Variants in ARHGEF38 observed in about 807,000 individuals in gnomAD.
ARHGEF38 encodes the protein Rho guanine nucleotide exchange factor (GEF) 38.
ARHGEF38 carries 79 observed loss-of-function variants against 79.9 expected under a neutral mutation model. That is an observed-to-expected ratio of 0.99 (90% CI 0.82 to 1.19). The LOEUF (loss-of-function observed/expected upper bound fraction) is 1.19. Ranked by LOEUF, ARHGEF38 falls within the 50% of genes most tolerant of loss-of-function variation. The pLI, the probability that ARHGEF38 is intolerant of heterozygous loss-of-function variation, is 0.00. For synonymous variants in ARHGEF38, 366 were observed against 328.3 expected (o/e 1.11, Z -1.24); for missense variants, 962 against 907.2 (o/e 1.06, Z -0.78).
chr4:105,636,965 C>T lies in ARHGEF38; in HGVS notation c.674+545C>T, dbSNP rs556314472. Among the ~76,000 whole-genome samples the T allele has an allele frequency of 4.6e-5, 7 of 152,056 alleles. No individual in the cohort carries two copies. In the East Asian group the frequency reaches 1.4e-3, roughly 29 times the overall value. On this transcript the variant is annotated intron_variant, in intron 5 of 13. Transcript: ENST00000420470. ...CAATATAGAAATTATTTTAGAAAAA[C>T]AGCGTATACAAACACTCTGAAAGAG...
At chr4:105,565,708 C>T (rs1725854650) in intron 1 of ARHGEF38, among the ~76,000 whole-genome samples, 2 of 152,076 alleles carry the variant, frequency 1.3e-5, no homozygotes, top group Non-Finnish European at 2.9e-5. Context: ...AATTAGCTTC[C>T]TTTTTTTATA....
intron 5 of ARHGEF38, among the ~76,000 whole-genome samples, chr4:105,637,776 T>C (rs2110527927): frequency 6.6e-6 from 1 of 152,286 alleles, no homozygotes; most frequent in East Asian, 1.9e-4. Context: ...GATATTCTTC[T>C]TAGTACAATT....
intron 1 of ARHGEF38, among the ~76,000 whole-genome samples, chr4:105,561,424 G>GGAATAGAATAGAATAGAATA (rs1725544021): frequency 3.8e-5 from 2 of 53,026 alleles, no homozygotes; most frequent in African/African-American, 1.7e-4. Flanking sequence ...AGAATAGAAT[G>GGAATAGAATAGAATAGAATA]GAATAGAATA....
At chr4:105,560,250 G>A (rs1300386447) in intron 1 of ARHGEF38, among the ~76,000 whole-genome samples, 3 of 152,044 alleles carry the variant, frequency 2.0e-5, no homozygotes, top group Non-Finnish European at 4.4e-5. Context: ...TTAGTTGTCG[G>A]GGAACAAAAT....
intron 9 of ARHGEF38, among the ~76,000 whole-genome samples, chr4:105,657,868 C>A (rs200910688): frequency 2.0e-5 from 3 of 152,158 alleles, no homozygotes; most frequent in Admixed American, 6.6e-5. Flanking sequence ...TTAATTAATA[C>A]AAGCTGCTGC....
At chr4:105,658,477 T>C (rs1045255449) in intron 9 of ARHGEF38, among the ~76,000 whole-genome samples, 1 of 152,152 alleles carries the variant, frequency 6.6e-6, no homozygotes, top group African/African-American at 2.4e-5. Flanking sequence ...AATACCTTTA[T>C]TAAGGGGTTA....
intron 3 of ARHGEF38, among the ~76,000 whole-genome samples, chr4:105,615,042 T>C (rs950415329): frequency 6.6e-6 from 1 of 152,140 alleles, no homozygotes; most frequent in Admixed American, 6.6e-5. Flanking sequence ...AACAATAGGG[T>C]CCATGTTGAG....
chr4:105,600,168 T>A (rs1578297882), intron 2 of ARHGEF38, among the ~76,000 whole-genome samples: 2 of 152,172 alleles, frequency 1.3e-5, no homozygotes, highest in African/African-American at 4.8e-5. Flanking sequence ...TATGTCACAG[T>A]CTTGCCCTAG....
At chr4:105,648,747 G>GT in intron 7 of ARHGEF38, 65 bp downstream of exon 7, 1 of 1,415,452 alleles carries the variant, frequency 7.1e-7, no homozygotes, top group East Asian at 2.6e-5. Context: ...TTTTTGTGAG[G>GT]TTTTGTTTTG....
intron 1 of ARHGEF38, among the ~76,000 whole-genome samples, chr4:105,568,520 G>T (rs1726053481): frequency 6.6e-6 from 1 of 152,098 alleles, no homozygotes; most frequent in Admixed American, 6.6e-5. Context: ...AAATCATGCT[G>T]CTATAAAGAT....
Position 105,678,186 on chromosome 4 carries a change from A to G in ARHGEF38, c.*249A>G, listed in dbSNP as rs76189027. 2.5e-3 allele frequency: 814 copies of G among 328,456 alleles called. 8 individuals carry two copies. Among genetic ancestry groups the G allele is most frequent in the African/African-American group, 0.016 (743 of 47,308 alleles). The allele number at this position is 328,456 out of a possible 1,614,324, so 20.3% of individuals were successfully genotyped here. ...GCAAATGACCCAAGCTTCAACTATCAACTATTTAAAAGTGAAGATCTTTTG... is the reference window on the plus strand; with the variant it reads ...GCAAATGACCCAAGCTTCAACTATCGACTATTTAAAAGTGAAGATCTTTTG... On this transcript the variant is annotated 3_prime_UTR_variant, in exon 14 of 14. Coordinates refer to ENST00000420470, the MANE Select transcript of ARHGEF38 (RefSeq NM_001242729.2).
intron 3 of ARHGEF38, among the ~76,000 whole-genome samples, chr4:105,627,833 T>C (rs1729011693): frequency 6.6e-6 from 1 of 152,174 alleles, no homozygotes; most frequent in South Asian, 2.1e-4. Flanking sequence ...CACTTTTTGC[T>C]GCAAGACACA....
At chr4:105,609,761 G>T (rs1020991726) in intron 2 of ARHGEF38, among the ~76,000 whole-genome samples, 2 of 152,090 alleles carry the variant, frequency 1.3e-5, no homozygotes, top group South Asian at 4.1e-4. Flanking sequence ...CTTGCGATAA[G>T]TACTTTTGTA....
intron 1 of ARHGEF38, among the ~76,000 whole-genome samples, chr4:105,587,709 C>T (rs141070296): frequency 0.018 from 2,777 of 152,264 alleles, 79 homozygotes; most frequent in African/African-American, 0.064. Flanking sequence ...ATCTGCCTGC[C>T]TCGGCCTCCC....
chr4:105,553,949 G>C (rs1018100566), intron 1 of ARHGEF38, among the ~76,000 whole-genome samples: 1 of 152,034 alleles, frequency 6.6e-6, no homozygotes, highest in Non-Finnish European at 1.5e-5. Context: ...CCACAAATAT[G>C]AGCTTAGATT....
intron 1 of ARHGEF38, among the ~76,000 whole-genome samples, chr4:105,555,815 T>C (rs1037926230): frequency 9.9e-5 from 15 of 152,210 alleles, no homozygotes; most frequent in Non-Finnish European, 1.8e-4. Flanking sequence ...GATTTTTCTT[T>C]GGTGCTCTTG....
rs576091493 is a variant in ARHGEF38 at position 105,590,023 on chromosome 4, G to A, written c.384+588G>A. Among the ~76,000 whole-genome samples the A allele has an allele frequency of 8.9e-5, 13 of 146,188 alleles. No homozygotes were observed. The South Asian group carries it at 2.8e-3, about 32-fold the overall frequency. ...ATTGCACTGCAGCCTGGGCAACAGAGTGAGACTCTGTCTCAAAAAAAAAAA... is the reference window on the plus strand; with the variant it reads ...ATTGCACTGCAGCCTGGGCAACAGAATGAGACTCTGTCTCAAAAAAAAAAA... On this transcript the variant is annotated intron_variant, in intron 2 of 13. Transcript: ENST00000420470.
chr4:105,565,224 CAG>C (rs1725829454), intron 1 of ARHGEF38, among the ~76,000 whole-genome samples: 1 of 152,160 alleles, frequency 6.6e-6, no homozygotes, highest in South Asian at 2.1e-4. Flanking sequence ...CTTTCAAATT[CAG>C]AGTCTCAGAG....
chr4:105,592,845 A>G (rs926638723), intron 2 of ARHGEF38, among the ~76,000 whole-genome samples: 4 of 152,088 alleles, frequency 2.6e-5, no homozygotes, highest in African/African-American at 9.7e-5. Flanking sequence ...ATCTCTACCT[A>G]TATAAGTTGG....
Sources: gnomAD v4.1 joint callset for allele counts (sites outside exome capture counted in the v4.1 genomes callset) on GRCh38, gnomAD v4.1.1 for gene constraint, MANE v1.5 for transcripts, NCBI Gene and HGNC (gene_info 2026-07-23, HGNC 2026-07-21) for gene names.